PPP1R12B: variants seen among roughly 807,000 people sequenced by gnomAD.
PPP1R12B encodes the protein myosin phosphatase target subunit 2.
In PPP1R12B, 76 loss-of-function variants were observed where a neutral mutation model predicts 126.1. That is an observed-to-expected ratio of 0.60 (90% CI 0.50 to 0.73). The LOEUF is 0.73. PPP1R12B is among the 30% of genes least tolerant of loss of function. The pLI, the probability that PPP1R12B is intolerant of heterozygous loss-of-function variation, is 0.00. For synonymous variants in PPP1R12B, 356 were observed against 434.7 expected, an observed-to-expected ratio of 0.82 and a Z score of 2.25; for missense variants, 1,052 against 1,205.1, an observed-to-expected ratio of 0.87 and a Z score of 1.88.
At chr1:202,433,706 T>A (rs1009795029) in intron 8 of PPP1R12B, among the ~76,000 whole-genome samples, 3 of 152,224 alleles carry the variant, frequency 2.0e-5, no homozygotes, top group African/African-American at 7.2e-5. Context: ...TAGAAAACTA[T>A]AGGATCTAGC....
At chr1:202,539,242 G>A (rs1004337279) in intron 18 of PPP1R12B, among the ~76,000 whole-genome samples, 2 of 152,192 alleles carry the variant, frequency 1.3e-5, no homozygotes, top group Non-Finnish European at 2.9e-5. Context: ...GAAGGTTGGT[G>A]AGGTTTGCCT....
intron 13 of PPP1R12B, among the ~76,000 whole-genome samples, chr1:202,475,785 C>T (rs1317085415): frequency 1.3e-5 from 2 of 152,028 alleles, no homozygotes; most frequent in Admixed American, 6.6e-5. Flanking sequence ...CCCGTGATCC[C>T]CCTAAGTCTG....
At chr1:202,412,240 A>G (rs1439487781) in intron 1 of PPP1R12B, among the ~76,000 whole-genome samples, 6 of 152,188 alleles carry the variant, frequency 3.9e-5, no homozygotes, top group South Asian at 2.1e-4. Flanking sequence ...TTTGAGCCCA[A>G]GAGTTAATGA....
chr1:202,548,834 AT>A, intron 18 of PPP1R12B, among the ~76,000 whole-genome samples: 1 of 125,232 alleles, frequency 8.0e-6, no homozygotes, highest in East Asian at 2.4e-4. Context: ...ATATATATAT[AT>A]AATTTTAGTA....
chr1:202,544,878 C>T (rs1685493602), intron 18 of PPP1R12B, among the ~76,000 whole-genome samples: 1 of 152,204 alleles, frequency 6.6e-6, no homozygotes, highest in Non-Finnish European at 1.5e-5. Flanking sequence ...AGGATTGTTG[C>T]CTTCATGAGA....
intron 18 of PPP1R12B, among the ~76,000 whole-genome samples, chr1:202,536,515 G>A (rs1473795429): frequency 1.3e-5 from 2 of 152,176 alleles, no homozygotes; most frequent in Non-Finnish European, 2.9e-5. Context: ...CAGTGAGCAA[G>A]TGGTGAGTGA....
At chr1:202,371,858 C>CTTTT (rs1193939057) in intron 1 of PPP1R12B, among the ~76,000 whole-genome samples, 20 of 75,348 alleles carry the variant, frequency 2.7e-4, no homozygotes, top group African/African-American at 6.3e-4. Context: ...ATTATAGTTT[C>CTTTT]TTTTTTTTTT....
intron 3 of PPP1R12B, among the ~76,000 whole-genome samples, chr1:202,425,078 C>T (rs1045388314): frequency 7.9e-5 from 12 of 152,170 alleles, no homozygotes; most frequent in Admixed American, 5.2e-4. Flanking sequence ...CCCAGGATAT[C>T]GGAGTTCTAG....
chr1:202,428,600 G>T (rs1443054490), intron 5 of PPP1R12B: 1 of 413,794 alleles, frequency 2.4e-6, no homozygotes, highest in Non-Finnish European at 4.3e-6. Flanking sequence ...TTGCCAGGTG[G>T]CAGTAAGGAT....
intron 13 of PPP1R12B, among the ~76,000 whole-genome samples, chr1:202,460,583 C>G (rs541803811): frequency 6.6e-6 from 1 of 152,298 alleles, no homozygotes; most frequent in South Asian, 2.1e-4. Context: ...CAGTTTTGTT[C>G]TAAAGTGATT....
chr1:202,485,767 G>A (rs757024327), intron 13 of PPP1R12B, among the ~76,000 whole-genome samples: 4 of 152,202 alleles, frequency 2.6e-5, no homozygotes, highest in East Asian at 1.9e-4. Context: ...TTGAAATATC[G>A]TTGTTTATTC....
intron 23 of PPP1R12B, chr1:202,576,500 G>A (rs1405918959): frequency 1.3e-5 from 2 of 152,204 alleles, no homozygotes; most frequent in African/African-American, 4.8e-5. Context: ...TGCTGTAGAT[G>A]CTATCATAGG....
intron 21 of PPP1R12B, among the ~76,000 whole-genome samples, chr1:202,567,099 A>G (rs933993426): frequency 1.3e-5 from 2 of 152,238 alleles, no homozygotes; most frequent in South Asian, 2.1e-4. Context: ...ATGATCTAAA[A>G]TAAACATTCT....
At chr1:202,453,863 G>A (rs1035570995) in intron 13 of PPP1R12B, among the ~76,000 whole-genome samples, 12 of 151,876 alleles carry the variant, frequency 7.9e-5, no homozygotes, top group Non-Finnish European at 1.6e-4. Flanking sequence ...GGGCTAACAG[G>A]TTTCAGAGCC....
chr1:202,378,397 A>G (rs1172710126), intron 1 of PPP1R12B, among the ~76,000 whole-genome samples: 1 of 151,862 alleles, frequency 6.6e-6, no homozygotes. Context: ...CCACTCTGCT[A>G]CTTTGCTCCA....
intron 18 of PPP1R12B, among the ~76,000 whole-genome samples, chr1:202,548,621 A>G (rs1456942307): frequency 6.6e-6 from 1 of 151,856 alleles, no homozygotes; most frequent in Non-Finnish European, 1.5e-5. Context: ...CACTGTGCCC[A>G]GCCAAAGTCA....
chr1:202,404,684 G>C (rs1179859467), intron 1 of PPP1R12B, among the ~76,000 whole-genome samples: 1 of 151,922 alleles, frequency 6.6e-6, no homozygotes, highest in Non-Finnish European at 1.5e-5. Flanking sequence ...TATTTTTTTA[G>C]TAGAGACGGG....
chr1:202,564,645 A>G, intron 21 of PPP1R12B, 98 bp downstream of exon 21: 1 of 937,562 alleles, frequency 1.1e-6, no homozygotes, highest in South Asian at 1.5e-5. Context: ...AGATAGAGTC[A>G]AGATCAGGCC....
chr1:202,577,717 C>G (rs575501996), intron 23 of PPP1R12B, among the ~76,000 whole-genome samples: 1 of 152,164 alleles, frequency 6.6e-6, no homozygotes, highest in Non-Finnish European at 1.5e-5. Flanking sequence ...CATCCTGAGT[C>G]CCTCTCAACC....
Sources: gnomAD v4.1 joint callset for allele counts (sites outside exome capture counted in the v4.1 genomes callset) on GRCh38, gnomAD v4.1.1 for gene constraint, MANE v1.5 for transcripts, NCBI Gene and HGNC (gene_info 2026-07-23, HGNC 2026-07-21) for gene names.